The following TRPC5 variants were observed in gnomAD, a reference collection of about 807,000 sequenced individuals.
TRPC5 encodes transient receptor potential cation channel subfamily C member 5, also known as short transient receptor potential channel 5.
TRPC5 carries 9 observed loss-of-function variants against 56.5 expected under a neutral mutation model. The ratio of observed to expected loss-of-function variants is 0.16; its 90% CI spans 0.10 to 0.28. The LOEUF (loss-of-function observed/expected upper bound fraction) is 0.28, where lower values mean the gene tolerates loss of function less well. Ranked by LOEUF, TRPC5 falls within the 10% of genes least tolerant of loss-of-function variation. The probability of loss-of-function intolerance (pLI) is 1.00; values close to 1 mark genes in which losing one functional copy is unlikely to be tolerated. For synonymous variants in TRPC5, 282 were observed against 278.5 expected (o/e 1.01, Z -0.13); for missense variants, 469 against 748.9 (o/e 0.63, Z 4.36).
At chrX:111,966,494 C>T (rs886402954) in intron 1 of TRPC5, among the ~76,000 whole-genome samples, 1 of 111,821 alleles carries the variant, frequency 8.9e-6, no homozygotes, top group Non-Finnish European at 1.9e-5. Flanking sequence ...CCAGCATCAT[C>T]CTGATACCAA....
chrX:112,075,762 G>A (rs1185343776), intron 1 of TRPC5, among the ~76,000 whole-genome samples: 2 of 111,805 alleles, frequency 1.8e-5, no homozygotes, highest in African/African-American at 6.5e-5. Flanking sequence ...TTTGAAGTCA[G>A]AGGAATGGGG....
intron 2 of TRPC5, among the ~76,000 whole-genome samples, chrX:111,914,397 A>C (rs1423752103): frequency 8.9e-6 from 1 of 112,066 alleles, no homozygotes; most frequent in Non-Finnish European, 1.9e-5. Flanking sequence ...AAATAAAACA[A>C]CAACCCACAG....
At chrX:112,024,532 C>T (rs1372611560) in intron 1 of TRPC5, among the ~76,000 whole-genome samples, 1 of 111,714 alleles carries the variant, frequency 9.0e-6, no homozygotes, top group East Asian at 2.8e-4. Flanking sequence ...GTTTTCAGGA[C>T]TTCAGACTTA....
At position 111,781,884 on chromosome X, in the gene TRPC5, A is replaced by C. The variant is rs777258896; in HGVS notation, c.2100+51T>G. On this transcript the variant is annotated intron_variant, in intron 8 of 10. Transcript: ENST00000262839. ...GCACTCCAGCCTGGGTGACAGAGTG[A>C]GACTCCATCTCAATTTTTAAAAATT... 2.8e-6 allele frequency: 3 copies of C among 1,077,339 alleles called. No individual in the cohort carries two copies. In the East Asian group the frequency reaches 9.2e-5, roughly 33 times the overall value. The allele number at this position is 1,077,339 out of a possible 1,213,427, so 88.8% of individuals were successfully genotyped here.
intron 2 of TRPC5, among the ~76,000 whole-genome samples, chrX:111,950,874 C>A (rs1927070062): frequency 8.9e-6 from 1 of 111,953 alleles, no homozygotes; most frequent in Non-Finnish European, 1.9e-5. Flanking sequence ...TTTCCATGTC[C>A]ATATGCATGT....
chrX:112,051,636 C>A (rs1314322706), intron 1 of TRPC5, among the ~76,000 whole-genome samples: 1 of 112,332 alleles, frequency 8.9e-6, no homozygotes, highest in Non-Finnish European at 1.9e-5. Flanking sequence ...TGATAAAGTA[C>A]ACATCACATA....
At chrX:111,824,711 G>A (rs963967380) in intron 7 of TRPC5, among the ~76,000 whole-genome samples, 6 of 111,401 alleles carry the variant, frequency 5.4e-5, no homozygotes, top group African/African-American at 2.0e-4. Context: ...TTTTCTAAAG[G>A]TAGGCTCTGC....
intron 3 of TRPC5, among the ~76,000 whole-genome samples, chrX:111,859,817 G>A (rs1923342969): frequency 1.8e-5 from 2 of 111,938 alleles, no homozygotes; most frequent in Admixed American, 1.9e-4. Context: ...TTTTTTAATT[G>A]TGTTCTGTTA....
intron 7 of TRPC5, among the ~76,000 whole-genome samples, chrX:111,807,382 C>T (rs1233740793): frequency 8.9e-6 from 1 of 112,317 alleles, no homozygotes; most frequent in East Asian, 2.8e-4. Context: ...GCCAATTGCA[C>T]TTTTCCACTA....
intron 3 of TRPC5, among the ~76,000 whole-genome samples, chrX:111,870,653 G>A (rs892334020): frequency 9.0e-6 from 1 of 111,115 alleles, no homozygotes; most frequent in Admixed American, 9.6e-5. Context: ...GGTTTGATAG[G>A]GAATTTATTT....
chrX:111,846,448 C>G (rs1043349313), intron 6 of TRPC5, among the ~76,000 whole-genome samples: 1 of 111,891 alleles, frequency 8.9e-6, no homozygotes, highest in Admixed American at 9.5e-5. Flanking sequence ...AAAAGTAGGT[C>G]TTGACAGTAC....
At chrX:111,975,827 C>G (rs773086070) in intron 1 of TRPC5, among the ~76,000 whole-genome samples, 2 of 111,962 alleles carry the variant, frequency 1.8e-5, no homozygotes, top group Non-Finnish European at 3.8e-5. Flanking sequence ...TGGAGCAAAG[C>G]GGAGAGGCGG....
At chrX:112,074,369 G>A (rs1051053032) in intron 1 of TRPC5, among the ~76,000 whole-genome samples, 18 of 108,532 alleles carry the variant, frequency 1.7e-4, no homozygotes, top group African/African-American at 6.0e-4. Context: ...GCAAACTATC[G>A]CAAGGACAAA....
chrX:112,042,346 A>G (rs965621446), intron 1 of TRPC5, among the ~76,000 whole-genome samples: 2 of 111,401 alleles, frequency 1.8e-5, no homozygotes, highest in African/African-American at 6.5e-5. Flanking sequence ...AGGGTGCCAC[A>G]TTGGACCTGG....
chrX:111,870,736 C>T (rs1217665297), intron 3 of TRPC5, among the ~76,000 whole-genome samples: 3 of 111,312 alleles, frequency 2.7e-5, no homozygotes, highest in Non-Finnish European at 5.7e-5. Context: ...GAGTATTGCT[C>T]ACCTGCCAGG....
chrX:111,801,169 A>G (rs1466858250), intron 7 of TRPC5, among the ~76,000 whole-genome samples: 1 of 111,913 alleles, frequency 8.9e-6, no homozygotes, highest in Admixed American at 9.5e-5. Flanking sequence ...TTGTGTGTGT[A>G]TTCTTACACC....
intron 1 of TRPC5, among the ~76,000 whole-genome samples, chrX:111,988,776 C>T (rs1038734673): frequency 9.9e-5 from 11 of 111,198 alleles, no homozygotes; most frequent in African/African-American, 3.6e-4. Flanking sequence ...TACATATTTT[C>T]TTTGATTTTA....
At chrX:112,053,433 G>A (rs557127808) in intron 1 of TRPC5, among the ~76,000 whole-genome samples, 27 of 111,903 alleles carry the variant, frequency 2.4e-4, no homozygotes, top group African/African-American at 8.4e-4. Flanking sequence ...TGTATGCTTA[G>A]CATCTATCAC....
chrX:112,023,293 A>ACTT (rs1491527962), intron 1 of TRPC5, among the ~76,000 whole-genome samples: 10 of 44,089 alleles, frequency 2.3e-4, no homozygotes, highest in African/African-American at 9.2e-4. Flanking sequence ...GGACTTAGTT[A>ACTT]CTTTAAAATT....
Sources: gnomAD v4.1 joint callset for allele counts (sites outside exome capture counted in the v4.1 genomes callset) on GRCh38, gnomAD v4.1.1 for gene constraint, MANE v1.5 for transcripts, NCBI Gene and HGNC (gene_info 2026-07-23, HGNC 2026-07-21) for gene names.